The following FAM149A variants were observed in gnomAD, a reference collection of about 807,000 sequenced individuals.
FAM149A encodes protein FAM149A.
A neutral mutation model predicts 78.2 loss-of-function variants in FAM149A; 71 were observed. That is an observed-to-expected ratio of 0.91 (90% CI 0.75 to 1.11). FAM149A has a LOEUF of 1.11. Among genes scored for constraint, FAM149A ranks in the 50% least tolerant of loss-of-function variants. The probability of loss-of-function intolerance (pLI) is 0.00; values close to 1 mark genes in which losing one functional copy is unlikely to be tolerated. For synonymous variants in FAM149A, 446 were observed against 410.5 expected (o/e 1.09, Z -1.04); for missense variants, 1,036 against 971.0 (o/e 1.07, Z -0.89).
intron 7 of FAM149A, among the ~76,000 whole-genome samples, chr4:186,157,185 CATT>C (rs1579903827): frequency 1.3e-5 from 2 of 152,128 alleles, no homozygotes; most frequent in Non-Finnish European, 2.9e-5. Context: ...CTAAACTTAA[CATT>C]GAACAAAAAC....
intron 1 of FAM149A, among the ~76,000 whole-genome samples, chr4:186,115,082 C>T (rs2099312922): frequency 4.9e-5 from 1 of 20,254 alleles, no homozygotes. Flanking sequence ...TTCTTGGAGG[C>T]TTTGCTCATT....
intron 7 of FAM149A, among the ~76,000 whole-genome samples, chr4:186,156,832 A>G (rs1734065454): frequency 6.6e-6 from 1 of 151,500 alleles, no homozygotes; most frequent in Non-Finnish European, 1.5e-5. Context: ...AAAGTTAGCC[A>G]GGCATGGTGG....
At chr4:186,166,672 A>T (rs1488430699) in intron 11 of FAM149A, among the ~76,000 whole-genome samples, 1 of 145,166 alleles carries the variant, frequency 6.9e-6, no homozygotes, top group African/African-American at 2.7e-5. Flanking sequence ...AAAAAAAAAA[A>T]GGCAAACATC....
At chr4:186,120,184 C>T (rs2099315376) in intron 1 of FAM149A, among the ~76,000 whole-genome samples, 1 of 152,134 alleles carries the variant, frequency 6.6e-6, no homozygotes, top group Non-Finnish European at 1.5e-5. Flanking sequence ...CCAAATACAG[C>T]ATGCATGTTT....
rs1732857910 is a variant in FAM149A at position 186,144,771 on chromosome 4, GCCGGGATTAGCTGGCGGGCGAGGGCGCA to G, written c.567-4401_567-4374del. ...CCCGGAGCGGGGATGGGCGGGCGCAGCCGGGATTAGCTGGCGGGCGAGGGCGCAGCGCAGGGAGGAGGAGGGGAGGCGG... is the reference window on the plus strand; with the variant it reads ...CCCGGAGCGGGGATGGGCGGGCGCAGGCGCAGGGAGGAGGAGGGGAGGCGG... On this transcript the variant is annotated intron_variant, in intron 1 of 13. Transcript: ENST00000389354. The surrounding 1 kb of genome is among the most constrained non-coding windows in gnomAD (Gnocchi z 4.2). 11 of 965,684 alleles carry G rather than the reference GCCGGGATTAGCTGGCGGGCGAGGGCGCA, an allele frequency of 1.1e-5. No homozygotes were observed. Among genetic ancestry groups the G allele is most frequent in the African/African-American group, 1.1e-4 (6 of 56,584 alleles). The allele number at this position is 965,684 out of a possible 1,614,324, so 59.8% of individuals were successfully genotyped here.
intron 1 of FAM149A, among the ~76,000 whole-genome samples, chr4:186,136,613 A>G (rs2099322806): frequency 6.6e-6 from 1 of 152,204 alleles, no homozygotes; most frequent in Non-Finnish European, 1.5e-5. Context: ...AGGACTTTCT[A>G]TGCTTTTTAT....
intron 1 of FAM149A, among the ~76,000 whole-genome samples, chr4:186,120,902 G>T: frequency 8.6e-6 from 1 of 116,920 alleles, no homozygotes; most frequent in East Asian, 2.8e-4. Context: ...TGTCCAGGCT[G>T]GAGTGCAGTG....
At chr4:186,156,427 A>C (rs1262587883) in intron 7 of FAM149A, among the ~76,000 whole-genome samples, 1 of 152,158 alleles carries the variant, frequency 6.6e-6, no homozygotes, top group East Asian at 1.9e-4. Flanking sequence ...TAATCCCAGC[A>C]CTTTGGGAGG....
At chr4:186,150,390 T>TCTCTCTC (rs762113131) in intron 3 of FAM149A, among the ~76,000 whole-genome samples, 34 of 97,376 alleles carry the variant, frequency 3.5e-4, no homozygotes, top group East Asian at 4.9e-4. Context: ...TTTTGCTTGC[T>TCTCTCTC]TGCTTTCTCT....
At position 186,163,592 on chromosome 4, in the gene FAM149A, TC is replaced by T; in HGVS notation, c.1851del (p.Asn618ThrfsTer35). ...CTTCAGATTCACAGAGACTAAAAAC[TC>T]CCAACATCTATAGTGACGAAGTTCT... On this transcript the variant is annotated frameshift_variant, in exon 10 of 14. Coordinates refer to ENST00000389354, the MANE Select transcript of FAM149A (RefSeq NM_001367768.3). LOFTEE classifies it high-confidence loss of function. 6.2e-7 allele frequency: 1 copy of T among 1,614,138 alleles called. No homozygotes were observed. The highest frequency in any genetic ancestry group is 8.5e-7 in the Non-Finnish European group (1 of 1,180,012).
At chr4:186,118,093 T>TA in intron 1 of FAM149A, 1 of 985,342 alleles carries the variant, frequency 1.0e-6, no homozygotes, top group Non-Finnish European at 1.2e-6. Flanking sequence ...CATGGTGGAA[T>TA]ATGGCAGGAA....
At chr4:186,119,129 A>G (rs1332069273) in intron 1 of FAM149A, among the ~76,000 whole-genome samples, 1 of 152,158 alleles carries the variant, frequency 6.6e-6, no homozygotes, top group African/African-American at 2.4e-5. Flanking sequence ...CAGTCAAACC[A>G]CGCACCTTTT....
In FAM149A at chr4:186,165,415, C is replaced by T. The variant is rs767437561; in HGVS notation, c.1961C>T (p.Thr654Met). 92 of 1,614,136 alleles carry T rather than the reference C, an allele frequency of 5.7e-5. No homozygotes were observed. Among genetic ancestry groups the T allele is most frequent in the African/African-American group, 3.6e-4 (27 of 75,056 alleles). ...CGGAGCAGGTTCCCCCCGCTAGTCACGGAGACCAGGGGGCAGAATACAGCA... is the reference window on the plus strand; with the variant it reads ...CGGAGCAGGTTCCCCCCGCTAGTCATGGAGACCAGGGGGCAGAATACAGCA... The change falls in exon 11 of 14, where the codon ACG (threonine) becomes ATG (methionine). Residue 654 changes from threonine (T) to methionine (M), a missense_variant. By Grantham distance (81) the Thr-to-Met change is moderately conservative. This residue lies in a region of FAM149A where 716 missense variants were observed against 711.8 expected (regional missense o/e 1.01). Coordinates refer to ENST00000389354, the MANE Select transcript of FAM149A (RefSeq NM_001367768.3).
rs530190355 is a variant in FAM149A, at chr4:186,129,790, G to T, written c.567-19383G>T. On this transcript the variant is annotated intron_variant, in intron 1 of 13. Transcript: ENST00000389354. ...ACCAGACACCAGTTAAATAGAAGAA[G>T]AAAGAAATGTTAAAAATAAATGTAC... Among the ~76,000 whole-genome samples, 136 of 152,292 alleles carry T rather than the reference G, an allele frequency of 8.9e-4. 1 individual carries two copies. Among genetic ancestry groups the T allele is most frequent in the Middle Eastern group, 6.8e-3 (2 of 294 alleles).
intron 1 of FAM149A, chr4:186,109,277 A>G (rs2150076786): frequency 3.5e-6 from 3 of 853,610 alleles, no homozygotes; most frequent in Non-Finnish European, 4.2e-6. Context: ...TATAGCTTGT[A>G]TAAGTCATAG....
At chr4:186,167,336 A>T in intron 13 of FAM149A, 74 bp downstream of exon 13, 1 of 1,341,004 alleles carries the variant, frequency 7.5e-7, no homozygotes, top group Non-Finnish European at 1.1e-6. Context: ...GAAATGGAAG[A>T]TGATCTACCT....
Position 186,157,696 on chromosome 4 carries a change from G to T in FAM149A, c.1552G>T (p.Ala518Ser), listed in dbSNP as rs1280244044. 1 of 1,612,558 alleles carries T rather than the reference G, an allele frequency of 6.2e-7. No individual in the cohort carries two copies. Among genetic ancestry groups the T allele is most frequent in the Non-Finnish European group, 8.5e-7 (1 of 1,179,146 alleles). The change falls in exon 8 of 14, where the codon GCT (alanine) becomes TCT (serine). Residue 518 changes from alanine (A) to serine (S), a missense_variant. Physicochemically the swap from Ala to Ser is moderately conservative, Grantham distance 99. Transcript: ENST00000389354. Reference sequence around the variant, plus strand: ...CGCCGAGGCTCACGGCATCTCCCTGGCTTCTCGTCTGAACCCGCCCCAGGT... The same window carrying T: ...CGCCGAGGCTCACGGCATCTCCCTGTCTTCTCGTCTGAACCCGCCCCAGGT...
chr4:186,120,207 C>T (rs2099315387), intron 1 of FAM149A, among the ~76,000 whole-genome samples: 1 of 152,130 alleles, frequency 6.6e-6, no homozygotes, highest in Admixed American at 6.5e-5. Context: ...TGGACATTAT[C>T]ACAAATCCCC....
At position 186,163,581 on chromosome 4, in the gene FAM149A, A is replaced by G. The variant is rs544310884; in HGVS notation, c.1837A>G (p.Arg613Gly). 1.3e-5 allele frequency: 21 copies of G among 1,614,172 alleles called. No individual in the cohort carries two copies. The East Asian group carries it at 4.0e-4, about 31-fold the overall frequency. ...GCCTTCTCTTGCTTCAGATTCACAG[A>G]GACTAAAAACTCCCAACATCTATAG... The change falls in exon 10 of 14, where the codon AGA (arginine) becomes GGA (glycine). Residue 613 changes from arginine to glycine, a missense_variant. By Grantham distance (125) the Arg-to-Gly change is moderately radical. This residue lies in a region of FAM149A where 716 missense variants were observed against 711.8 expected (regional missense o/e 1.01). Coordinates refer to ENST00000389354, the MANE Select transcript of FAM149A (RefSeq NM_001367768.3).
Sources: allele counts gnomAD v4.1 joint callset (sites outside exome capture counted in the v4.1 genomes callset), GRCh38; gene constraint gnomAD v4.1.1; regional missense constraint gnomAD v4.1.1; non-coding constraint Gnocchi (gnomAD v3.1); transcripts MANE v1.5; gene names NCBI Gene and HGNC (gene_info 2026-07-23, HGNC 2026-07-21).